The following MEIG1 variants were observed in gnomAD, a reference collection of about 807,000 sequenced individuals.
MEIG1 encodes meiosis/spermiogenesis associated 1, also known as meiosis expressed gene 1 protein homolog.
A neutral mutation model predicts 11.3 loss-of-function variants in MEIG1; 12 were observed. That is an observed-to-expected ratio of 1.07 (90% CI 0.68 to 1.73). MEIG1 has a LOEUF of 1.73. MEIG1 is among the 40% of genes most tolerant of loss of function. MEIG1 has a pLI of 0.00. For missense variants in MEIG1, 119 were observed against 104.9 expected, an observed-to-expected ratio of 1.13 and a Z score of -0.59; for synonymous variants, 41 against 33.2, an observed-to-expected ratio of 1.24 and a Z score of -0.81.
At chr10:14,985,129 G>T (rs1376672646) in intron 1 of MEIG1, among the ~76,000 whole-genome samples, 1 of 151,890 alleles carries the variant, frequency 6.6e-6, no homozygotes, top group African/African-American at 2.4e-5. Context: ...GTCACACGGG[G>T]TGTACACAGA....
chr10:14,987,690 C>CA (rs752265279), intron 2 of MEIG1: 21 of 323,012 alleles, frequency 6.5e-5, no homozygotes, highest in Non-Finnish European at 1.2e-4. Context: ...ATCAGAAGAC[C>CA]AAAACGTCGT....
At chr10:14,965,574 G>A (rs188070976) in intron 1 of MEIG1, among the ~76,000 whole-genome samples, 1 of 152,036 alleles carries the variant, frequency 6.6e-6, no homozygotes, top group Non-Finnish European at 1.5e-5. Context: ...TGCAGCAATT[G>A]GGATGTCTCC....
At chr10:14,958,220 A>G (rs1306885138), upstream of MEIG1, among the ~76,000 whole-genome samples, 1 of 152,162 alleles carries the variant, frequency 6.6e-6, no homozygotes, top group African/African-American at 2.4e-5. Flanking sequence ...AATCAAGTGG[A>G]TGTTGAATAT....
At chr10:14,977,424 G>C (rs1470674906), downstream of MEIG1, among the ~76,000 whole-genome samples, 2 of 151,888 alleles carry the variant, frequency 1.3e-5, no homozygotes, top group African/African-American at 4.8e-5. Flanking sequence ...ATATTCAGGG[G>C]GGATGTTACT....
chr10:14,969,054 G>T (rs1037222055), intron 2 of MEIG1, among the ~76,000 whole-genome samples: 33 of 152,106 alleles, frequency 2.2e-4, no homozygotes, highest in Non-Finnish European at 4.6e-4. Context: ...CTCCAGCCTG[G>T]GCAACAAGAG....
At chr10:14,984,612 C>T (rs1843299980) in intron 1 of MEIG1, among the ~76,000 whole-genome samples, 1 of 151,988 alleles carries the variant, frequency 6.6e-6, no homozygotes, top group Non-Finnish European at 1.5e-5. Flanking sequence ...GATGTCACCT[C>T]TTATGTCACA....
At chr10:14,965,920 G>A (rs1308455734) in intron 1 of MEIG1, among the ~76,000 whole-genome samples, 1 of 151,724 alleles carries the variant, frequency 6.6e-6, no homozygotes, top group Non-Finnish European at 1.5e-5. Flanking sequence ...GGGACTTGGG[G>A]TTTTTTTTGT....
chr10:14,964,269 T>TA (rs1387550453), intron 1 of MEIG1, among the ~76,000 whole-genome samples: 1 of 152,082 alleles, frequency 6.6e-6, no homozygotes, highest in African/African-American at 2.4e-5. Context: ...TATCTTTTTT[T>TA]ACCAACCACT....
chr10:14,959,142 T>C (rs1354088874), upstream of MEIG1, among the ~76,000 whole-genome samples: 1 of 152,222 alleles, frequency 6.6e-6, no homozygotes, highest in East Asian at 1.9e-4. Context: ...CGTGCTGTGA[T>C]CCGCTTTCAC....
downstream of MEIG1, among the ~76,000 whole-genome samples, chr10:14,975,005 A>C (rs2131277418): frequency 6.6e-6 from 1 of 152,234 alleles, no homozygotes; most frequent in East Asian, 1.9e-4. Context: ...AGAGAGCATG[A>C]TATTACGTTC....
At chr10:14,975,246 C>G (rs772651947), downstream of MEIG1, among the ~76,000 whole-genome samples, 4 of 152,100 alleles carry the variant, frequency 2.6e-5, no homozygotes, top group Admixed American at 6.6e-5. Flanking sequence ...GATATTACTC[C>G]CAATATCGCA....
At chr10:14,976,830 G>A (rs142916311), downstream of MEIG1, among the ~76,000 whole-genome samples, 1 of 152,068 alleles carries the variant, frequency 6.6e-6, no homozygotes, top group East Asian at 1.9e-4. Context: ...GTCACAGGGC[G>A]TGTAGACCCT....
In MEIG1 at chr10:14,959,389, C is replaced by T. The variant is rs1352937981; in HGVS notation, c.-198C>T. ...GAGCTCCTGCAGCTTCATCGCGTTACTAAGAGACGCGAGGGTCGCGAAGGG... is the reference window on the plus strand; with the variant it reads ...GAGCTCCTGCAGCTTCATCGCGTTATTAAGAGACGCGAGGGTCGCGAAGGG... On this transcript the variant is annotated 5_prime_UTR_variant, in exon 1 of 3. Transcript: ENST00000407572. The T allele has an allele frequency of 1.3e-5, 2 of 152,322 alleles. No individual in the cohort carries two copies. The highest frequency in any genetic ancestry group is 2.9e-5 in the Non-Finnish European group (2 of 68,084). The allele number at this position is 152,322 out of a possible 1,614,324, so 9.4% of individuals were successfully genotyped here.
At chr10:14,964,141 T>C (rs1843049863) in intron 1 of MEIG1, among the ~76,000 whole-genome samples, 1 of 151,800 alleles carries the variant, frequency 6.6e-6, no homozygotes, top group Non-Finnish European at 1.5e-5. Flanking sequence ...ACTATAATAT[T>C]TAGAATGTTA....
intron 1 of MEIG1, among the ~76,000 whole-genome samples, chr10:14,983,979 A>G (rs1324895347): frequency 6.6e-6 from 1 of 152,072 alleles, no homozygotes; most frequent in Non-Finnish European, 1.5e-5. Flanking sequence ...ACTACACCCA[A>G]TGCTGCTGGG....
intron 1 of MEIG1, among the ~76,000 whole-genome samples, chr10:14,964,721 C>T (rs1171872995): frequency 1.5e-5 from 2 of 136,140 alleles, no homozygotes; most frequent in East Asian, 2.1e-4. Context: ...GGGTTTCAAG[C>T]GATTCTCAAG....
At chr10:14,974,159 C>G (rs1438552998), downstream of MEIG1, among the ~76,000 whole-genome samples, 1 of 152,174 alleles carries the variant, frequency 6.6e-6, no homozygotes, top group East Asian at 1.9e-4. Context: ...CATATCCTCT[C>G]TTTCATGTGG....
At chr10:14,974,944 C>T (rs930118101), downstream of MEIG1, among the ~76,000 whole-genome samples, 6 of 151,992 alleles carry the variant, frequency 3.9e-5, no homozygotes, top group Admixed American at 6.6e-5. Context: ...CACCTAAAAC[C>T]TCAGTGGGTG....
intron 2 of MEIG1, chr10:14,970,569 G>T (rs1843137071): frequency 6.6e-6 from 1 of 152,250 alleles, no homozygotes; most frequent in Non-Finnish European, 1.5e-5. Flanking sequence ...ACACAGGCAG[G>T]TGTGGCCTCA....
Sources: gnomAD v4.1 joint callset for allele counts (sites outside exome capture counted in the v4.1 genomes callset) on GRCh38, gnomAD v4.1.1 for gene constraint, MANE v1.5 for transcripts, NCBI Gene and HGNC (gene_info 2026-07-23, HGNC 2026-07-21) for gene names.